TTBK2: variants seen among roughly 807,000 people sequenced by gnomAD.
TTBK2 encodes tau-tubulin kinase 2.
A neutral mutation model predicts 110.8 loss-of-function variants in TTBK2; 28 were observed. The observed-to-expected ratio is 0.25, with a 90% CI of 0.19 to 0.35. The LOEUF (loss-of-function observed/expected upper bound fraction) is 0.35, where lower values mean the gene tolerates loss of function less well. TTBK2 is among the 10% of genes least tolerant of loss of function. The probability of loss-of-function intolerance (pLI) is 1.00; values close to 1 mark genes in which losing one functional copy is unlikely to be tolerated. For synonymous variants in TTBK2, 532 were observed against 527.3 expected (o/e 1.01, Z -0.12); for missense variants, 1,369 against 1,500.3 (o/e 0.91, Z 1.45).
intron 1 of TTBK2, among the ~76,000 whole-genome samples, chr15:42,889,877 T>C (rs2141161224): frequency 6.6e-6 from 1 of 152,212 alleles, no homozygotes; most frequent in African/African-American, 2.4e-5. Flanking sequence ...CCATTATCTC[T>C]CCATACCACC....
At position 42,740,527 on chromosome 15, in the gene TTBK2, G is replaced by A. The variant is rs998290080; in HGVS notation, c.*5268C>T. ...CAACTGAATTAGAAGACGTCTTAAT[G>A]GGCATAGACTTTATTTTTGTTTTAC... On this transcript the variant is annotated 3_prime_UTR_variant, in exon 15 of 15. Coordinates refer to ENST00000267890, the MANE Select transcript of TTBK2 (RefSeq NM_173500.4). The A allele has an allele frequency of 2.0e-5, 3 of 151,620 alleles. No individual in the cohort carries two copies. The highest frequency in any genetic ancestry group is 7.3e-5 in the African/African-American group (3 of 41,270). The allele number at this position is 151,620 out of a possible 1,614,324, so 9.4% of individuals were successfully genotyped here. A position where few individuals can be genotyped will look rare whatever the true frequency, so the allele number is the denominator to read the frequency against.
chr15:42,886,809 G>A (rs1020310815), intron 1 of TTBK2, among the ~76,000 whole-genome samples: 1 of 152,208 alleles, frequency 6.6e-6, no homozygotes, highest in African/African-American at 2.4e-5. Flanking sequence ...TCAAGTGCCG[G>A]AAATCTGGCC....
At chr15:42,797,947 G>A (rs1346842921) in intron 9 of TTBK2, among the ~76,000 whole-genome samples, 2 of 151,908 alleles carry the variant, frequency 1.3e-5, no homozygotes, top group Non-Finnish European at 2.9e-5. Context: ...GCAATGGTGC[G>A]ATCTCGGCTC....
chr15:42,775,096 G>A, intron 13 of TTBK2, 39 bp downstream of exon 13: 8 of 1,593,168 alleles, frequency 5.0e-6, no homozygotes, highest in Non-Finnish European at 6.8e-6. Context: ...AGCACCTTGA[G>A]TGGATAACAG....
chr15:42,742,647 T>C lies in TTBK2; in HGVS notation c.*3148A>G, dbSNP rs2061758119. 1 of 152,228 alleles carries C rather than the reference T, an allele frequency of 6.6e-6. No individual in the cohort carries two copies. The allele number at this position is 152,228 out of a possible 1,614,324, so 9.4% of individuals were successfully genotyped here. ...ACTAACAAGGGAAGGCAAGGGCAAC[T>C]GTGACTGACTAGGTAACCAGCTATT... On this transcript the variant is annotated 3_prime_UTR_variant, in exon 15 of 15. Transcript: ENST00000267890.
chr15:42,835,688 T>C (rs143505059), intron 4 of TTBK2, among the ~76,000 whole-genome samples: 11 of 152,206 alleles, frequency 7.2e-5, no homozygotes, highest in Non-Finnish European at 1.3e-4. Flanking sequence ...ATTGGTTTGA[T>C]ATTTGTGTTA....
At chr15:42,881,182 C>G (rs1429344659) in intron 1 of TTBK2, among the ~76,000 whole-genome samples, 1 of 148,390 alleles carries the variant, frequency 6.7e-6, no homozygotes, top group African/African-American at 2.5e-5. Flanking sequence ...ACTCAGGAGG[C>G]TGAGGCAGGA....
chr15:42,775,490 T>G lies in TTBK2; in HGVS notation c.1643A>C (p.Asp548Ala). ...GTCCACAATCACCCATTCTTTGGAA[T>G]CAATTTCTTGCTTGCAAGAGCTCAG... is the stretch of plus-strand genomic sequence containing the variant. ...VNLSSCKQEI[D>A]SKEWVIVDKE... The change falls in exon 13 of 15, where the codon GAT (aspartate) becomes GCT (alanine). Residue 548 changes from aspartate (D) to alanine (A), a missense_variant. Around this residue, in one of 4 missense-constraint regions of TTBK2, gnomAD observed 1,097 missense variants for 1,114.7 expected, o/e 0.98. Transcript: ENST00000267890. The G allele has an allele frequency of 6.2e-7, 1 of 1,614,228 alleles. No homozygotes were observed. Among genetic ancestry groups the G allele is most frequent in the South Asian group, 1.1e-5 (1 of 91,088 alleles).
chr15:42,788,610 T>C (rs1426619956), intron 10 of TTBK2, among the ~76,000 whole-genome samples: 1 of 152,214 alleles, frequency 6.6e-6, no homozygotes, highest in Non-Finnish European at 1.5e-5. Context: ...ATCCCACTTG[T>C]GAATTGTGGC....
chr15:42,800,581 T>C (rs923984579), intron 9 of TTBK2, among the ~76,000 whole-genome samples: 1 of 152,270 alleles, frequency 6.6e-6, no homozygotes, highest in Middle Eastern at 3.4e-3. Flanking sequence ...AATGGAAAAT[T>C]AGTGGATCAA....
chr15:42,820,792 G>A (rs1023644291), intron 6 of TTBK2, among the ~76,000 whole-genome samples: 2 of 152,034 alleles, frequency 1.3e-5, no homozygotes, highest in African/African-American at 4.8e-5. Context: ...CTTGAGGCCA[G>A]GAGTTCAAGA....
chr15:42,768,935 A>C (rs1220240934), intron 13 of TTBK2, among the ~76,000 whole-genome samples: 2 of 152,150 alleles, frequency 1.3e-5, no homozygotes, highest in East Asian at 3.8e-4. Flanking sequence ...GGAACAGAGC[A>C]GAGGCCTCAG....
intron 3 of TTBK2, among the ~76,000 whole-genome samples, chr15:42,843,386 A>T (rs1423470105): frequency 2.0e-5 from 3 of 152,216 alleles, no homozygotes; most frequent in Admixed American, 2.0e-4. Context: ...TTTAGGTATA[A>T]ATAATAACTA....
chr15:42,770,788 G>C (rs573411190), intron 13 of TTBK2, among the ~76,000 whole-genome samples: 1 of 152,170 alleles, frequency 6.6e-6, no homozygotes, highest in East Asian at 1.9e-4. Flanking sequence ...AACCCAAAGA[G>C]TCTTCACCTT....
chr15:42,854,795 C>T (rs1438714766), intron 3 of TTBK2, among the ~76,000 whole-genome samples: 3 of 152,044 alleles, frequency 2.0e-5, no homozygotes, highest in African/African-American at 4.8e-5. Flanking sequence ...TAACTGTCAA[C>T]GAGTATTTAT....
chr15:42,800,941 G>A, intron 9 of TTBK2: 1 of 728,018 alleles, frequency 1.4e-6, no homozygotes, highest in Non-Finnish European at 2.5e-6. Context: ...GCAGCCGCAG[G>A]AGGGACAGGC....
intron 13 of TTBK2, among the ~76,000 whole-genome samples, chr15:42,771,350 C>A (rs1302156712): frequency 1.3e-5 from 2 of 152,122 alleles, no homozygotes; most frequent in African/African-American, 4.8e-5. Flanking sequence ...ATAAAGATAT[C>A]CAAAATTCCA....
chr15:42,815,958 A>AAATATATATATATATATAT lies in TTBK2; in HGVS notation c.603+1073_603+1074insATATATATATATATATATT, dbSNP rs71108183. ...TATATATATATATATTTAAAAAAAA[A>AAATATATATATATATATAT]ATATATATATATATATATATTTGAG... On this transcript the variant is annotated intron_variant, in intron 7 of 14. Coordinates refer to ENST00000267890, the MANE Select transcript of TTBK2 (RefSeq NM_173500.4). Among the ~76,000 whole-genome samples the AAATATATATATATATATAT allele has an allele frequency of 6.4e-4, 59 of 91,688 alleles. 2 individuals carry two copies. The highest frequency in any genetic ancestry group is 2.8e-3 in the African/African-American group (45 of 16,136). The allele number at this position is 91,688 out of a possible 152,430, so 60.2% of individuals were successfully genotyped here.
chr15:42,793,498 G>GC (rs945156987), intron 10 of TTBK2, among the ~76,000 whole-genome samples: 2 of 152,104 alleles, frequency 1.3e-5, no homozygotes, highest in African/African-American at 4.8e-5. Context: ...CTATGACTGT[G>GC]CCTATAAATA....
Sources: allele counts gnomAD v4.1 joint callset (sites outside exome capture counted in the v4.1 genomes callset), GRCh38; gene constraint gnomAD v4.1.1; regional missense constraint gnomAD v4.1.1; transcripts MANE v1.5; gene names NCBI Gene and HGNC (gene_info 2026-07-23, HGNC 2026-07-21).